The following AUTS2 variants were observed in gnomAD, a reference collection of about 807,000 sequenced individuals.
AUTS2 encodes the protein autism susceptibility gene 2 protein.
In AUTS2, 17 loss-of-function variants were observed where a neutral mutation model predicts 112.4. The ratio of observed to expected loss-of-function variants is 0.15; its 90% CI spans 0.10 to 0.23. The LOEUF is 0.23. AUTS2 is among the 10% of genes least tolerant of loss of function. AUTS2 has a pLI of 1.00. For synonymous variants in AUTS2, 751 were observed against 702.7 expected (o/e 1.07, Z -1.09); for missense variants, 1,510 against 1,701.6 (o/e 0.89, Z 1.98).
At chr7:70,613,273 T>A (rs1479354394) in intron 5 of AUTS2, among the ~76,000 whole-genome samples, 2 of 151,830 alleles carry the variant, frequency 1.3e-5, no homozygotes, top group South Asian at 2.1e-4. Flanking sequence ...GTGTGTATTT[T>A]TTGCCTTAAA....
chr7:70,744,962 A>G (rs761470990), intron 6 of AUTS2, among the ~76,000 whole-genome samples: 5 of 152,062 alleles, frequency 3.3e-5, no homozygotes, highest in African/African-American at 1.2e-4. Flanking sequence ...TCGCCCCTCC[A>G]GTTCCATTGC....
At chr7:70,523,238 T>G (rs1799712939) in intron 5 of AUTS2, among the ~76,000 whole-genome samples, 1 of 152,222 alleles carries the variant, frequency 6.6e-6, no homozygotes, top group African/African-American at 2.4e-5. Context: ...AGTGTGTAGC[T>G]GTGAGGTGGT....
intron 1 of AUTS2, among the ~76,000 whole-genome samples, chr7:69,781,672 C>G (rs368228241): frequency 6.6e-6 from 1 of 152,204 alleles, no homozygotes; most frequent in Non-Finnish European, 1.5e-5. Flanking sequence ...GGCTCTTCTC[C>G]ACATTACTTG....
chr7:70,205,650 A>G (rs913906812), intron 4 of AUTS2, among the ~76,000 whole-genome samples: 1 of 152,192 alleles, frequency 6.6e-6, no homozygotes, highest in African/African-American at 2.4e-5. Context: ...AGACTGTACA[A>G]TCTAGGTTTT....
intron 1 of AUTS2, among the ~76,000 whole-genome samples, chr7:69,737,990 C>A (rs1787106300): frequency 2.0e-5 from 3 of 152,082 alleles, no homozygotes; most frequent in Admixed American, 2.0e-4. Flanking sequence ...CCTCACCAAT[C>A]TCAAAATACT....
chr7:70,519,727 G>A (rs1416970692), intron 5 of AUTS2, among the ~76,000 whole-genome samples: 1 of 152,196 alleles, frequency 6.6e-6, no homozygotes, highest in Non-Finnish European at 1.5e-5. Flanking sequence ...GAGACATAGA[G>A]CAGTTGTGAC....
At position 69,891,774 on chromosome 7, in the gene AUTS2, C is replaced by CTTTTTTT; in HGVS notation, c.310-7481_310-7475dup. On this transcript the variant is annotated intron_variant, in intron 1 of 18. Transcript: ENST00000342771. ...ATTCATTCACTTTCCAGACAGATATCTTTTTTTTTTTTTTTTTTTTTTTTT... is the reference window on the plus strand; with the variant it reads ...ATTCATTCACTTTCCAGACAGATATCTTTTTTTTTTTTTTTTTTTTTTTTTTTTTTTT... 7.5e-3 allele frequency among the ~76,000 whole-genome samples: 200 copies of CTTTTTTT among 26,732 alleles called. 90 individuals are homozygous for CTTTTTTT. The highest frequency in any genetic ancestry group is 0.013 in the South Asian group (6 of 470). 17.5% of individuals were successfully genotyped at this position (26,732 alleles called of 152,430 possible). A position where few individuals can be genotyped will look rare whatever the true frequency, so the allele number is the denominator to read the frequency against.
At chr7:70,524,935 G>A (rs1037639934) in intron 5 of AUTS2, among the ~76,000 whole-genome samples, 8 of 152,212 alleles carry the variant, frequency 5.3e-5, no homozygotes, top group African/African-American at 1.9e-4. Flanking sequence ...CAGTGAAATG[G>A]AGGTGGGGAA....
intron 4 of AUTS2, among the ~76,000 whole-genome samples, chr7:70,210,640 T>C (rs554484009): frequency 1.3e-5 from 2 of 152,282 alleles, no homozygotes; most frequent in South Asian, 4.2e-4. Flanking sequence ...CCTTTGTCTT[T>C]TTCTTTTGTG....
At position 70,134,511 on chromosome 7, in the gene AUTS2, C is replaced by T. The variant is rs768210860; in HGVS notation, c.625-25C>T. On this transcript the variant is annotated intron_variant, in intron 3 of 18. Transcript: ENST00000342771. ...GTTAAAAACCATTGCTGATTTTCCA[C>T]TTTTGTCTTTATGCTTTATTGCAGA... The T allele has an allele frequency of 1.9e-6, 3 of 1,612,858 alleles. 1 individual carries two copies. Among genetic ancestry groups the T allele is most frequent in the East Asian group, 4.5e-5 (2 of 44,868 alleles).
intron 6 of AUTS2, among the ~76,000 whole-genome samples, chr7:70,761,238 T>C (rs1408338092): frequency 6.6e-6 from 1 of 152,166 alleles, no homozygotes; most frequent in East Asian, 1.9e-4. Context: ...GCCCAGGAGT[T>C]GGAGCTGTAG....
intron 4 of AUTS2, among the ~76,000 whole-genome samples, chr7:70,335,219 A>G (rs1790934411): frequency 6.6e-6 from 1 of 152,188 alleles, no homozygotes; most frequent in Non-Finnish European, 1.5e-5. Context: ...TGTGTCCCCA[A>G]GCCTTTTCCT....
chr7:70,729,367 C>T (rs1787228615), intron 6 of AUTS2: 2 of 257,606 alleles, frequency 7.8e-6, no homozygotes, highest in South Asian at 7.0e-5. Flanking sequence ...CCTGTTACTT[C>T]CCCAGGGGTC....
intron 1 of AUTS2, among the ~76,000 whole-genome samples, chr7:69,719,692 CT>C (rs1764295771): frequency 6.6e-6 from 1 of 152,176 alleles, no homozygotes; most frequent in Non-Finnish European, 1.5e-5. Flanking sequence ...AGAGACGTTG[CT>C]TTTAGTTAAA....
intron 4 of AUTS2, among the ~76,000 whole-genome samples, chr7:70,342,091 C>T (rs1585037190): frequency 3.3e-5 from 5 of 152,078 alleles, no homozygotes; most frequent in Admixed American, 2.6e-4. Flanking sequence ...CCAGATTCCC[C>T]CATCAGTTTT....
chr7:70,769,887 T>TAGTC (rs1790227330), intron 10 of AUTS2, among the ~76,000 whole-genome samples: 1 of 152,088 alleles, frequency 6.6e-6, no homozygotes. Context: ...GGGGGAGGAA[T>TAGTC]AGTCAGCTAT....
chr7:69,767,994 C>T (rs553187381), intron 1 of AUTS2, among the ~76,000 whole-genome samples: 7 of 152,300 alleles, frequency 4.6e-5, no homozygotes, highest in African/African-American at 1.4e-4. Flanking sequence ...GTAATTACTT[C>T]AGACGGTCTC....
At chr7:70,763,439 CTTGTT>C in intron 7 of AUTS2, 98 bp downstream of exon 7, 1 of 848,464 alleles carries the variant, frequency 1.2e-6, no homozygotes, top group Non-Finnish European at 1.8e-6. Context: ...CTGAGGTTTC[CTTGTT>C]GGAAACATCA....
chr7:70,556,094 C>CTG (rs1801237258), intron 5 of AUTS2, among the ~76,000 whole-genome samples: 1 of 152,162 alleles, frequency 6.6e-6, no homozygotes, highest in Non-Finnish European at 1.5e-5. Flanking sequence ...GCATGAGCCA[C>CTG]CACGCCTGGC....
Sources: gnomAD v4.1 joint callset for allele counts (sites outside exome capture counted in the v4.1 genomes callset) on GRCh38, gnomAD v4.1.1 for gene constraint, MANE v1.5 for transcripts, NCBI Gene and HGNC (gene_info 2026-07-23, HGNC 2026-07-21) for gene names.